The following CENPF variants were observed in gnomAD, a reference collection of about 807,000 sequenced individuals.
The protein encoded by CENPF is AH antigen.
CENPF carries 214 observed loss-of-function variants against 307.3 expected under a neutral mutation model. The ratio of observed to expected loss-of-function variants is 0.70; its 90% CI spans 0.62 to 0.78. CENPF has a LOEUF of 0.78. Among genes scored for constraint, CENPF ranks in the 30% least tolerant of loss-of-function variants. The probability of loss-of-function intolerance (pLI) is 0.00; values close to 1 mark genes in which losing one functional copy is unlikely to be tolerated. For missense variants in CENPF, 3,401 were observed against 3,483.9 expected (o/e 0.98, Z 0.60); for synonymous variants, 1,259 against 1,270.6 (o/e 0.99, Z 0.19).
chr1:214,649,516 A>G (rs1490750020), intron 14 of CENPF, among the ~76,000 whole-genome samples: 2 of 152,306 alleles, frequency 1.3e-5, no homozygotes, highest in African/African-American at 2.4e-5. Flanking sequence ...GCAAAATAAG[A>G]TAGTCATGAT....
intron 10 of CENPF, among the ~76,000 whole-genome samples, chr1:214,634,627 T>C (rs1571710256): frequency 1.3e-5 from 2 of 152,354 alleles, no homozygotes; most frequent in East Asian, 3.9e-4. Context: ...CAGTCAGTTA[T>C]TGCAGTCCAA....
chr1:214,659,459 A>G lies in CENPF; in HGVS notation c.9141+431A>G, dbSNP rs1658737329. Among the ~76,000 whole-genome samples, 1 of 151,186 alleles carries G rather than the reference A, an allele frequency of 6.6e-6. No individual in the cohort carries two copies. Among genetic ancestry groups the G allele is most frequent in the Non-Finnish European group, 1.5e-5 (1 of 67,824 alleles). ...CCTTTACTTTCTTAAAAAAAAAAAA[A>G]GCACATATTTCAATAGATATCTAAG... On this transcript the variant is annotated intron_variant, in intron 19 of 19. Coordinates refer to ENST00000366955, the MANE Select transcript of CENPF (RefSeq NM_016343.4). This position sits in a 1 kb window ranked among gnomAD's most constrained non-coding sequence, Gnocchi z 4.4.
At chr1:214,634,104 G>T (rs530304749) in intron 10 of CENPF, among the ~76,000 whole-genome samples, 2 of 152,224 alleles carry the variant, frequency 1.3e-5, no homozygotes, top group Non-Finnish European at 2.9e-5. Context: ...TGGTCCGTGA[G>T]CTGTAGCGCT....
In CENPF at chr1:214,630,571, A is replaced by G. The variant is rs1657778550; in HGVS notation, c.1232A>G (p.Asp411Gly). The part of the protein sequence containing the change: ...SRQQRSFQTL[D>G]QECIQMKARL... ...CAACAGCGTTCTTTCCAAACACTGG[A>G]CCAGGAGTGCATCCAGATGAAGGCC... The change falls in exon 9 of 20, where the codon GAC becomes GGC. Residue 411 changes from aspartate (D) to glycine (G), a missense_variant. Coordinates refer to ENST00000366955, the MANE Select transcript of CENPF (RefSeq NM_016343.4). 2.5e-6 allele frequency: 4 copies of G among 1,614,014 alleles called. No individual in the cohort carries two copies. The highest frequency in any genetic ancestry group is 3.4e-6 in the Non-Finnish European group (4 of 1,180,020).
In CENPF at chr1:214,663,637, G is replaced by T; in HGVS notation, c.9188G>T (p.Arg3063Leu). The change falls in exon 20 of 20, where the codon CGA becomes CTA. Residue 3063 changes from arginine to leucine, a missense_variant. Arg to Leu is a moderately radical substitution (Grantham distance 102). Coordinates refer to ENST00000366955, the MANE Select transcript of CENPF (RefSeq NM_016343.4). ...RSPVDSGTIL[R>L]EPTTKSVPVN... is the part of the protein sequence containing the mutation. ...CCAGTAGATTCAGGCACCATCCTCC[G>T]AGAACCCACCACGAAATCCGTCCCA... 6.2e-7 allele frequency: 1 copy of T among 1,614,086 alleles called. No individual in the cohort carries two copies. The highest frequency in any genetic ancestry group is 8.5e-7 in the Non-Finnish European group (1 of 1,180,036).
Position 214,640,578 on chromosome 1 carries a change from T to C in CENPF, c.2240T>C (p.Met747Thr). 6.2e-7 allele frequency: 1 copy of C among 1,614,062 alleles called. No individual in the cohort carries two copies. Residue 747 changes from methionine to threonine, a missense_variant, in exon 12 of 20, where the codon ATG (methionine) becomes ACG (threonine). By Grantham distance (81) the Met-to-Thr change is moderately conservative. Transcript: ENST00000366955. ...CTTCAGTTACTGTCAAATGAAATAA[T>C]GGACAAAGACCGGTGTTACCAAGAC... ...HKLQLLSNEI[M>T]DKDRCYQDLH...
chr1:214,609,387 G>A (rs1657139932), intron 1 of CENPF, among the ~76,000 whole-genome samples: 1 of 152,164 alleles, frequency 6.6e-6, no homozygotes, highest in South Asian at 2.1e-4. Context: ...GGCTACCTGT[G>A]CTGTGAGTAA....
chr1:214,618,725 C>T lies in CENPF; in HGVS notation c.481+31C>T, dbSNP rs202035986. ...GCATTTTCTTCCTTGGTATAGACAG[C>T]TTTTTGTTTAGCTTGAGATTTTAAT... is the stretch of plus-strand genomic sequence containing the variant. On this transcript the variant is annotated intron_variant, in intron 4 of 19. Transcript: ENST00000366955. 1.6e-3 allele frequency: 2,454 copies of T among 1,577,528 alleles called. 2 individuals are homozygous for T. Among genetic ancestry groups the T allele is most frequent in the Non-Finnish European group, 2.0e-3 (2,340 of 1,164,780 alleles).
chr1:214,651,565 C>A, intron 14 of CENPF, 145 bp from the exon 15 acceptor site: 1 of 518,910 alleles, frequency 1.9e-6, no homozygotes. Flanking sequence ...GAATACATTG[C>A]TAAGGATTAT....
intron 10 of CENPF, among the ~76,000 whole-genome samples, 162 bp downstream of exon 10, chr1:214,632,764 A>G (rs1309818261): frequency 2.6e-5 from 4 of 152,226 alleles, no homozygotes; most frequent in African/African-American, 9.6e-5. Flanking sequence ...TATATAACCC[A>G]TGACAGAATA....
In CENPF at chr1:214,633,188, G is replaced by T. The variant is rs148769703; in HGVS notation, c.1446+586G>T. Among the ~76,000 whole-genome samples the T allele has an allele frequency of 1.4e-3, 210 of 152,372 alleles. 2 individuals carry two copies. Among genetic ancestry groups the T allele is most frequent in the African/African-American group, 4.9e-3 (203 of 41,596 alleles). On this transcript the variant is annotated intron_variant, in intron 10 of 19. Transcript: ENST00000366955. ...TGACCTTAATGTTCAGCCTGTGCAT[G>T]CCCTGGTTGACGGTGTCTTTGGAGA...
At position 214,631,657 on chromosome 1, in the gene CENPF, G is replaced by A. The variant is rs773777922; in HGVS notation, c.1324-823G>A. Among the ~76,000 whole-genome samples, 33 of 152,074 alleles carry A rather than the reference G, an allele frequency of 2.2e-4. 1 individual carries two copies. The highest frequency in any genetic ancestry group is 6.5e-5 in the Admixed American group (1 of 15,274). On this transcript the variant is annotated intron_variant, in intron 9 of 19. Transcript: ENST00000366955. ...TGGGATTACAGGCGCCTGCCACCAC[G>A]CCTGGCTGATTTTTGTATTTTTAGT...
At chr1:214,636,766 A>G (rs950488444) in intron 10 of CENPF, among the ~76,000 whole-genome samples, 1 of 152,156 alleles carries the variant, frequency 6.6e-6, no homozygotes, top group Non-Finnish European at 1.5e-5. Flanking sequence ...TTTTTCCTCT[A>G]CTTCACAAAG....
chr1:214,605,972 G>T, intron 1 of CENPF: 6 of 1,597,282 alleles, frequency 3.8e-6, no homozygotes, highest in Non-Finnish European at 4.2e-6. Flanking sequence ...GGTGAGCGGC[G>T]AATGCAGCAC....
chr1:214,612,825 T>C (rs572085879), intron 1 of CENPF: 3 of 154,406 alleles, frequency 1.9e-5, no homozygotes, highest in East Asian at 3.7e-4. Flanking sequence ...AAATTTCCTT[T>C]GAATGGGAGC....
chr1:214,639,776 A>C, intron 11 of CENPF, 145 bp from the exon 12 acceptor site: 1 of 423,364 alleles, frequency 2.4e-6, no homozygotes. Context: ...TCTAGGAGGT[A>C]CCCAGGCAAT....
rs115220305 is a variant in CENPF, at chr1:214,650,579, C to T, written c.7984-1131C>T. 4.9e-3 allele frequency among the ~76,000 whole-genome samples: 743 copies of T among 152,118 alleles called. 4 individuals are homozygous for T. Among genetic ancestry groups the T allele is most frequent in the African/African-American group, 0.017 (714 of 41,482 alleles). Reference sequence around the variant, plus strand: ...CAAACACCCAGGGGGGTCTCATGTTCTGGAAATCAAGAGGAAGGAATGTCT... The same window carrying T: ...CAAACACCCAGGGGGGTCTCATGTTTTGGAAATCAAGAGGAAGGAATGTCT... On this transcript the variant is annotated intron_variant, in intron 14 of 19. Coordinates refer to ENST00000366955, the MANE Select transcript of CENPF (RefSeq NM_016343.4).
chr1:214,619,293 G>C, intron 5 of CENPF, 73 bp downstream of exon 5: 1 of 784,698 alleles, frequency 1.3e-6, no homozygotes, highest in South Asian at 1.8e-5. Flanking sequence ...AACAAGGTTA[G>C]AGAAAAATCT....
At position 214,629,183 on chromosome 1, in the gene CENPF, G is replaced by A; in HGVS notation, c.1194+12G>A. 1 of 1,583,550 alleles carries A rather than the reference G, an allele frequency of 6.3e-7. No individual in the cohort carries two copies. The highest frequency in any genetic ancestry group is 2.3e-5 in the East Asian group (1 of 43,930). ...AGGAGTTTCAAGAGGTAAGGTAAAT[G>A]GATTCATGAGGTGTTTGTCTGAAAG... On this transcript the variant is annotated intron_variant, in intron 8 of 19. Transcript: ENST00000366955.
Sources: gnomAD v4.1 joint callset for allele counts (sites outside exome capture counted in the v4.1 genomes callset) on GRCh38, gnomAD v4.1.1 for gene constraint, Gnocchi (gnomAD v3.1) non-coding constraint, MANE v1.5 for transcripts, NCBI Gene and HGNC (gene_info 2026-07-23, HGNC 2026-07-21) for gene names.